Variants in GNA12 observed in about 807,000 individuals in gnomAD.
The protein encoded by GNA12 is G protein subunit alpha 12.
Under a neutral mutation model 26.0 loss-of-function variants are expected in GNA12, and 9 were observed. The ratio of observed to expected loss-of-function variants is 0.35; its 90% CI spans 0.21 to 0.60. The LOEUF (loss-of-function observed/expected upper bound fraction) is 0.60, where lower values mean the gene tolerates loss of function less well. GNA12 is among the 20% of genes least tolerant of loss of function. The pLI, the probability that GNA12 is intolerant of heterozygous loss-of-function variation, is 0.78. For synonymous variants in GNA12, 264 were observed against 219.6 expected (o/e 1.20, Z -1.79); for missense variants, 405 against 525.8 (o/e 0.77, Z 2.25).
intron 2 of GNA12, among the ~76,000 whole-genome samples, chr7:2,742,554 C>T (rs546124260): frequency 1.2e-4 from 18 of 152,186 alleles, no homozygotes; most frequent in Non-Finnish European, 2.4e-4. Flanking sequence ...TCTCTGTCCT[C>T]GCTTACTTTG....
intron 2 of GNA12, among the ~76,000 whole-genome samples, chr7:2,765,577 C>T (rs1368595394): frequency 6.6e-6 from 1 of 151,874 alleles, no homozygotes; most frequent in Non-Finnish European, 1.5e-5. Context: ...GTAAAGAAAA[C>T]CAGCAAGACG....
At chr7:2,812,045 C>T (rs992617310) in intron 1 of GNA12, among the ~76,000 whole-genome samples, 9 of 152,254 alleles carry the variant, frequency 5.9e-5, no homozygotes, top group Admixed American at 2.0e-4. Context: ...CAAGAGAACC[C>T]GCGTTTCACG....
intron 2 of GNA12, among the ~76,000 whole-genome samples, chr7:2,737,323 C>T (rs1039926337): frequency 1.9e-4 from 26 of 134,870 alleles, no homozygotes; most frequent in African/African-American, 7.4e-4. Flanking sequence ...GAGTCTCGCC[C>T]TGTCGCCCCG....
chr7:2,816,270 G>A (rs1229908777), intron 1 of GNA12, among the ~76,000 whole-genome samples: 4 of 145,826 alleles, frequency 2.7e-5, no homozygotes, highest in East Asian at 2.0e-4. Flanking sequence ...TGATCTCGCC[G>A]CCCAGGCTGG....
chr7:2,731,340 G>C lies in GNA12; in HGVS notation c.987C>G (p.Arg329=). 6.2e-7 allele frequency: 1 copy of C among 1,613,948 alleles called. No homozygotes were observed. The stretch of plus-strand genomic sequence containing the variant: ...TCCTGTCGAAGCACTGGACCAGGTA[G>C]CGCTGGACGTCCTCCAGCCTGTGCG... The part of the protein sequence containing the change: ...GDPHRLEDVQ[R]YLVQCFDRKR... Residue 329 remains arginine (R), a synonymous_variant, in exon 4 of 4, where the codon CGC becomes CGG. Transcript: ENST00000275364. This position sits in a 1 kb window ranked among gnomAD's most constrained non-coding sequence, Gnocchi z 6.0.
At chr7:2,734,847 C>T (rs140577408) in intron 2 of GNA12, among the ~76,000 whole-genome samples, 1,584 of 152,312 alleles carry the variant, frequency 0.01, 14 homozygotes, top group Middle Eastern at 0.071. Context: ...CACCGGCTCT[C>T]TAGAGCCCCA....
intron 2 of GNA12, among the ~76,000 whole-genome samples, chr7:2,786,837 G>A (rs1020366351): frequency 8.5e-5 from 13 of 152,146 alleles, no homozygotes; most frequent in African/African-American, 2.9e-4. Flanking sequence ...AACCCACCAT[G>A]CCCATCTCGA....
intron 1 of GNA12, among the ~76,000 whole-genome samples, chr7:2,812,283 A>G (rs913959125): frequency 2.0e-5 from 3 of 152,220 alleles, no homozygotes; most frequent in Admixed American, 6.5e-5. Context: ...TTTTCCTTCT[A>G]AAGCTGCTAA....
In GNA12 at chr7:2,733,541, G is replaced by C. The variant is rs753580852; in HGVS notation, c.526-40C>G. 2.6e-6 allele frequency: 4 copies of C among 1,517,956 alleles called. No homozygotes were observed. In the Admixed American group the frequency reaches 6.7e-5, roughly 25 times the overall value. 94.0% of individuals were successfully genotyped at this position (1,517,956 alleles called of 1,614,324 possible). A position where few individuals can be genotyped will look rare whatever the true frequency, so the allele number is the denominator to read the frequency against. ...GAATATTCACAGCTCAGTCTGGACT[G>C]AGGAATCCTGATGTGGCAAATACAA... On this transcript the variant is annotated intron_variant, in intron 2 of 3. Transcript: ENST00000275364.
chr7:2,820,323 G>A (rs1160769613), intron 1 of GNA12, among the ~76,000 whole-genome samples: 10 of 150,884 alleles, frequency 6.6e-5, no homozygotes, highest in African/African-American at 2.4e-4. Flanking sequence ...GCACAGCTCT[G>A]TAAATAGACT....
chr7:2,824,305 G>C (rs2114966024), intron 1 of GNA12, among the ~76,000 whole-genome samples: 1 of 152,234 alleles, frequency 6.6e-6, no homozygotes, highest in South Asian at 2.1e-4. Context: ...CACACACAGA[G>C]TTAAGGCCCG....
intron 2 of GNA12, among the ~76,000 whole-genome samples, chr7:2,786,656 G>C (rs755354843): frequency 2.6e-5 from 4 of 152,170 alleles, no homozygotes; most frequent in Non-Finnish European, 5.9e-5. Context: ...GTAGGGGCTG[G>C]TGCGATTTGC....
rs372899470 is a variant in GNA12, at chr7:2,731,155, G to C, written c.*26C>G. 3.2e-6 allele frequency: 5 copies of C among 1,542,028 alleles called. No individual in the cohort carries two copies. The highest frequency in any genetic ancestry group is 4.4e-6 in the Non-Finnish European group (5 of 1,126,578). On this transcript the variant is annotated 3_prime_UTR_variant, in exon 4 of 4. Transcript: ENST00000275364. The surrounding 1 kb of genome is among the most constrained non-coding windows in gnomAD (Gnocchi z 6.0). Reference sequence around the variant, plus strand: ...CCGACAGCCGTGGGGGCTGCTCAACGACGACAAACCCCGGGGCTTCCTCGC... The same window carrying C: ...CCGACAGCCGTGGGGGCTGCTCAACCACGACAAACCCCGGGGCTTCCTCGC...
chr7:2,751,458 G>T (rs1011573133), intron 2 of GNA12, among the ~76,000 whole-genome samples: 1 of 150,496 alleles, frequency 6.6e-6, no homozygotes, highest in Non-Finnish European at 1.5e-5. Flanking sequence ...CTGACCAAAG[G>T]TACCACCTCA....
intron 1 of GNA12, among the ~76,000 whole-genome samples, chr7:2,800,608 G>A (rs1039046364): frequency 6.6e-6 from 1 of 152,192 alleles, no homozygotes; most frequent in Non-Finnish European, 1.5e-5. Flanking sequence ...TAGCGACCAC[G>A]GCAATGTAAG....
chr7:2,766,106 T>C (rs1010185736), intron 2 of GNA12, among the ~76,000 whole-genome samples: 1 of 152,234 alleles, frequency 6.6e-6, no homozygotes, highest in African/African-American at 2.4e-5. Flanking sequence ...TTTGCACTAA[T>C]TAAACAACTC....
intron 2 of GNA12, among the ~76,000 whole-genome samples, chr7:2,735,163 CCTCCTGCT>C (rs1790102813): frequency 6.6e-6 from 1 of 152,182 alleles, no homozygotes; most frequent in Non-Finnish European, 1.5e-5. Context: ...TCTCCTGCCT[CCTCCTGCT>C]CTCCTGCCCT....
intron 2 of GNA12, among the ~76,000 whole-genome samples, chr7:2,780,051 C>CACATAT (rs1554259631): frequency 1.6e-5 from 1 of 62,208 alleles, no homozygotes; most frequent in Non-Finnish European, 3.2e-5. Context: ...TTTCTGTGTA[C>CACATAT]ATATATATAT....
intron 1 of GNA12, among the ~76,000 whole-genome samples, chr7:2,803,808 C>G (rs1342500269): frequency 1.3e-5 from 2 of 149,278 alleles, no homozygotes; most frequent in African/African-American, 4.9e-5. Context: ...CAAAACAAAA[C>G]AAAACAAACA....
Sources: gnomAD v4.1 joint callset for allele counts (sites outside exome capture counted in the v4.1 genomes callset) on GRCh38, gnomAD v4.1.1 for gene constraint, Gnocchi (gnomAD v3.1) non-coding constraint, MANE v1.5 for transcripts, NCBI Gene and HGNC (gene_info 2026-07-23, HGNC 2026-07-21) for gene names.